PLCB2: variants seen among roughly 807,000 people sequenced by gnomAD.
PLCB2 encodes the protein 1-phosphatidylinositol 4,5-bisphosphate phosphodiesterase beta-2.
In PLCB2, 115 loss-of-function variants were observed where a neutral mutation model predicts 141.7. The ratio of observed to expected loss-of-function variants is 0.81; its 90% CI spans 0.70 to 0.95. The LOEUF (loss-of-function observed/expected upper bound fraction) is 0.95. Among genes scored for constraint, PLCB2 ranks in the 40% least tolerant of loss-of-function variants. PLCB2 has a pLI of 0.00. For missense variants in PLCB2, 1,403 were observed against 1,541.1 expected, an observed-to-expected ratio of 0.91 and a Z score of 1.50; for synonymous variants, 603 against 595.6, an observed-to-expected ratio of 1.01 and a Z score of -0.18.
rs1407145018 is a variant in PLCB2, at chr15:40,291,621, T to G, written c.2632A>C (p.Met878Leu). The part of the protein sequence containing the change: ...AARAGAREEA[M>L]KEAAEPRTAS... ...CAGGCCTTACCCGCAGCTTCTTTCA[T>G]AGCCTCTTCCCTGGCCCCGGCCCTG... The change falls in exon 25 of 32, where the codon ATG (methionine) becomes CTG (leucine). Residue 878 changes from methionine (M) to leucine (L), a missense_variant. Coordinates refer to ENST00000260402, the MANE Select transcript of PLCB2 (RefSeq NM_004573.3). The G allele has an allele frequency of 6.2e-7, 1 of 1,613,300 alleles. No homozygotes were observed. The highest frequency in any genetic ancestry group is 1.7e-5 in the Admixed American group (1 of 60,000).
chr15:40,291,156 T>C lies in PLCB2; in HGVS notation c.2898A>G (p.Gly966=). Residue 966 remains glycine, a synonymous_variant, in exon 27 of 32, where the codon GGA becomes GGG. Transcript: ENST00000260402. ...KRSLPREESA[G]AAPGEGPEGV... ...CCTCAGGGCCCTCGCCCGGCGCGGC[T>C]CCGGCGCTCTCCTCGCGGGGCAGGC... 1.3e-6 allele frequency: 2 copies of C among 1,570,828 alleles called. No homozygotes were observed. Among genetic ancestry groups the C allele is most frequent in the Non-Finnish European group, 8.6e-7 (1 of 1,166,042 alleles).
Position 40,290,802 on chromosome 15 carries a change from T to G in PLCB2, c.3072A>C (p.Lys1024Asn), listed in dbSNP as rs779441447. Residue 1024 changes from lysine (K) to asparagine (N), a missense_variant, in exon 28 of 32, where the codon AAA (lysine) becomes AAC (asparagine). Lys to Asn is a moderately conservative substitution (Grantham distance 94). Transcript: ENST00000260402. The stretch of plus-strand genomic sequence containing the variant: ...TCAGGGCCTTCAGCTCTGCCGCCTG[T>G]TTCTCTCTGGCCAGCTCCATCATTT... ...ISKMMELARE[K>N]QAAELKALKE... 1 of 1,613,792 alleles carries G rather than the reference T, an allele frequency of 6.2e-7. No homozygotes were observed. Among genetic ancestry groups the G allele is most frequent in the South Asian group, 1.1e-5 (1 of 91,060 alleles).
At chr15:40,294,888 GGCGCA>G in intron 18 of PLCB2, 43 bp downstream of exon 18, 1 of 1,612,778 alleles carries the variant, frequency 6.2e-7, no homozygotes, top group Non-Finnish European at 8.5e-7. Context: ...AAAGGTGGGG[GGCGCA>G]GGGACCAGGG....
chr15:40,301,841 G>A (rs62021890), intron 7 of PLCB2, 116 bp downstream of exon 7: 18 of 893,032 alleles, frequency 2.0e-5, no homozygotes, highest in African/African-American at 1.3e-4. Context: ...GGCTCTCCAG[G>A]CTCTTGGCTG....
chr15:40,294,292 C>A lies in PLCB2; in HGVS notation c.2035G>T (p.Val679Leu). The A allele has an allele frequency of 1.2e-6, 2 of 1,614,034 alleles. No homozygotes were observed. Among genetic ancestry groups the A allele is most frequent in the African/African-American group, 1.3e-5 (1 of 75,062 alleles). The change falls in exon 19 of 32, where the codon GTG becomes TTG. Residue 679 changes from valine (V) to leucine (L), a missense_variant. Physicochemically the swap from Val to Leu is conservative, Grantham distance 32. Coordinates refer to ENST00000260402, the MANE Select transcript of PLCB2 (RefSeq NM_004573.3). ...GTAATGGAAAGGGTGGTGGCCACCA[C>A]CACGTCGATGCGGTCCACTGAGAAG... ...NPFSVDRIDVVVATTLSITVI... is the reference protein window; with the variant it reads ...NPFSVDRIDVLVATTLSITVI...
At position 40,291,377 on chromosome 15, in the gene PLCB2, A is replaced by G; in HGVS notation, c.2758T>C (p.Trp920Arg). 2.6e-6 allele frequency: 4 copies of G among 1,530,504 alleles called. No homozygotes were observed. Among genetic ancestry groups the G allele is most frequent in the Non-Finnish European group, 3.5e-6 (4 of 1,144,402 alleles). The allele number at this position is 1,530,504 out of a possible 1,614,324, so 94.8% of individuals were successfully genotyped here. Reference sequence around the variant, plus strand: ...GCGCCCCGCTGCAGCAGCTCCTCCCAGCGCCGCGCTCCGCGCCGCTCCAAC... The same window carrying G: ...GCGCCCCGCTGCAGCAGCTCCTCCCGGCGCCGCGCTCCGCGCCGCTCCAAC... ...RELERRGARR[W>R]EELLQRGAAQ... The change falls in exon 26 of 32, where the codon TGG becomes CGG. Residue 920 changes from tryptophan (W) to arginine (R), a missense_variant. Transcript: ENST00000260402.
rs374741707 is a variant in PLCB2, at chr15:40,290,615, G to A, written c.3171C>T (p.Gly1057=). The change falls in exon 29 of 32, where the codon GGC becomes GGT. Residue 1057 remains glycine, a synonymous_variant. Coordinates refer to ENST00000260402, the MANE Select transcript of PLCB2 (RefSeq NM_004573.3). ...LETKRLERIQ[G]MTKVTTDKMA... is the part of the protein sequence containing the mutation. Reference sequence around the variant, plus strand: ...TCTTGTCTGTGGTGACTTTGGTCATGCCCTGGATCCGCTCCAGTCTCTTTG... The same window carrying A: ...TCTTGTCTGTGGTGACTTTGGTCATACCCTGGATCCGCTCCAGTCTCTTTG... The A allele has an allele frequency of 6.2e-7, 1 of 1,614,048 alleles. No homozygotes were observed. Among genetic ancestry groups the A allele is most frequent in the Non-Finnish European group, 8.5e-7 (1 of 1,180,012 alleles).
rs775985238 is a variant in PLCB2, at chr15:40,302,478, G to A, written c.363C>T (p.Asn121=). ...TFHNFVSYKE[N]VGKAWAEDVL... Reference sequence around the variant, plus strand: ...GTGCTCCCTGGCACACCTTGCCCACGTTCTCCTTGTAGGAGACGAAGTTGT... The same window carrying A: ...GTGCTCCCTGGCACACCTTGCCCACATTCTCCTTGTAGGAGACGAAGTTGT... Residue 121 remains asparagine (N), a synonymous_variant, in exon 4 of 32, where the codon AAC becomes AAT. Coordinates refer to ENST00000260402, the MANE Select transcript of PLCB2 (RefSeq NM_004573.3). 61 of 1,613,932 alleles carry A rather than the reference G, an allele frequency of 3.8e-5. 1 individual carries two copies. In the East Asian group the frequency reaches 5.1e-4, roughly 14 times the overall value.
chr15:40,294,771 A>G (rs57516465), intron 18 of PLCB2, among the ~76,000 whole-genome samples, 165 bp downstream of exon 18: 1,651 of 152,298 alleles, frequency 0.011, 16 homozygotes, highest in East Asian at 0.064. Flanking sequence ...ACATGGGCAC[A>G]GGCTAATGCA....
chr15:40,291,318 C>G lies in PLCB2; in HGVS notation c.2817G>C (p.Val939=), dbSNP rs779577620. ...CGAGCTTGCAGGCCCCGACGCCCCC[C>G]ACGCCCGGTGGCCCGAGCTCCGCCA... The part of the protein sequence containing the change: ...AQLAELGPPG[V]GGVGACKLGP... The change falls in exon 26 of 32, where the codon GTG becomes GTC. Residue 939 remains valine, a synonymous_variant. Transcript: ENST00000260402. 25 of 1,542,414 alleles carry G rather than the reference C, an allele frequency of 1.6e-5. No homozygotes were observed. The highest frequency in any genetic ancestry group is 3.5e-5 in the South Asian group (3 of 84,616).
rs1255083178 is a variant in PLCB2, at chr15:40,296,912, T to C, written c.1324-4A>G. On this transcript the variant is annotated splice_polypyrimidine_tract_variant and splice_region_variant and intron_variant, in intron 13 of 31. Coordinates refer to ENST00000260402, the MANE Select transcript of PLCB2 (RefSeq NM_004573.3). Reference sequence around the variant, plus strand: ...GCAGGGGGACACCTGGTTTTAGCTATGGAGTGGAGAGCAGGTCAGCACCAT... The same window carrying C: ...GCAGGGGGACACCTGGTTTTAGCTACGGAGTGGAGAGCAGGTCAGCACCAT... 10 of 1,613,914 alleles carry C rather than the reference T, an allele frequency of 6.2e-6. No individual in the cohort carries two copies. The highest frequency in any genetic ancestry group is 4.5e-5 in the East Asian group (2 of 44,878).
At chr15:40,293,955 T>C (rs1008358447) in intron 19 of PLCB2, among the ~76,000 whole-genome samples, 4 of 152,130 alleles carry the variant, frequency 2.6e-5, no homozygotes, top group African/African-American at 7.2e-5. Context: ...CCCACCTCCC[T>C]CCCTAGCCAA....
intron 1 of PLCB2, among the ~76,000 whole-genome samples, chr15:40,305,530 G>C (rs1263043560): frequency 1.3e-5 from 2 of 152,186 alleles, no homozygotes; most frequent in Non-Finnish European, 2.9e-5. Context: ...TATTTGCTGG[G>C]GTCCAGGGTG....
At position 40,295,888 on chromosome 15, in the gene PLCB2, G is replaced by A. The variant is rs768115450; in HGVS notation, c.1696+408C>T. Among the ~76,000 whole-genome samples the A allele has an allele frequency of 2.6e-5, 4 of 152,284 alleles. No homozygotes were observed. The East Asian group carries it at 5.8e-4, about 22-fold the overall frequency. On this transcript the variant is annotated intron_variant, in intron 16 of 31. Coordinates refer to ENST00000260402, the MANE Select transcript of PLCB2 (RefSeq NM_004573.3). ...CCAGAGAAGATACAGGTAAACAGCC[G>A]GGCTGTCCATGAAAGGGGAAGCATG...
At chr15:40,289,959 G>C (rs1166034047) in intron 30 of PLCB2, 66 bp downstream of exon 30, 2 of 760,222 alleles carry the variant, frequency 2.6e-6, no homozygotes, top group African/African-American at 2.0e-5. Flanking sequence ...GAGAGAGAGA[G>C]AGAGAGAGAG....
rs780624327 is a variant in PLCB2 at position 40,302,537 on chromosome 15, C to T, written c.304G>A (p.Val102Met). 28 of 1,614,080 alleles carry T rather than the reference C, an allele frequency of 1.7e-5. No homozygotes were observed. The highest frequency in any genetic ancestry group is 5.1e-6 in the Non-Finnish European group (6 of 1,180,006). Residue 102 changes from valine to methionine, a missense_variant, in exon 4 of 32, where the codon GTG (valine) becomes ATG (methionine). Val to Met is a conservative substitution (Grantham distance 21). Around this residue, in one of 4 missense-constraint regions of PLCB2, gnomAD observed 975 missense variants for 1,141.1 expected, o/e 0.85. Coordinates refer to ENST00000260402, the MANE Select transcript of PLCB2 (RefSeq NM_004573.3). ...NSFLLKTLTV[V>M]SGPDMVDLTF... ...AGGTCCACCATGTCCGGGCCGGACACCACCGTGAGTGTCTTCAGCAGGAAA... is the reference window on the plus strand; with the variant it reads ...AGGTCCACCATGTCCGGGCCGGACATCACCGTGAGTGTCTTCAGCAGGAAA...
rs2040303282 is a variant in PLCB2, at chr15:40,297,813, G to A, written c.1238+64C>T. 7.7e-7 allele frequency: 1 copy of A among 1,291,010 alleles called. No individual in the cohort carries two copies. The highest frequency in any genetic ancestry group is 1.2e-5 in the South Asian group (1 of 82,820). 80.0% of individuals were successfully genotyped at this position (1,291,010 alleles called of 1,614,324 possible). A position where few individuals can be genotyped will look rare whatever the true frequency, so the allele number is the denominator to read the frequency against. ...TAGAGGCTGGGGCAGTTGTGGGGAG[G>A]ACAGTTGCAGACAGGAGACTGGGGG... On this transcript the variant is annotated intron_variant, in intron 12 of 31. Transcript: ENST00000260402. The surrounding 1 kb of genome is among the most constrained non-coding windows in gnomAD (Gnocchi z 4.2).
intron 29 of PLCB2, 31 bp from the exon 30 acceptor site, chr15:40,290,113 G>C: frequency 7.2e-7 from 1 of 1,392,708 alleles, no homozygotes; most frequent in Non-Finnish European, 1.0e-6. Flanking sequence ...TTAGAAAAGG[G>C]AGAAAACCCC....
intron 1 of PLCB2, among the ~76,000 whole-genome samples, chr15:40,305,538 G>A (rs2040753924): frequency 6.6e-6 from 1 of 152,196 alleles, no homozygotes. Context: ...GGGGTCCAGG[G>A]TGGGCCCATG....
Sources: allele counts gnomAD v4.1 joint callset (sites outside exome capture counted in the v4.1 genomes callset), GRCh38; gene constraint gnomAD v4.1.1; regional missense constraint gnomAD v4.1.1; non-coding constraint Gnocchi (gnomAD v3.1); transcripts MANE v1.5; gene names NCBI Gene and HGNC (gene_info 2026-07-23, HGNC 2026-07-21).